FTCD: variants seen among roughly 807,000 people sequenced by gnomAD.
FTCD encodes formimidoyltransferase cyclodeaminase.
FTCD carries 76 observed loss-of-function variants against 62.9 expected under a neutral mutation model. The observed-to-expected ratio is 1.21, with a 90% CI of 1.00 to 1.46. The LOEUF is 1.46. Ranked by LOEUF, FTCD falls within the 40% of genes most tolerant of loss-of-function variation. FTCD has a pLI of 0.00. For missense variants in FTCD, 845 were observed against 751.3 expected (o/e 1.12, Z -1.46); for synonymous variants, 397 against 336.9 (o/e 1.18, Z -1.95).
chr21:46,154,062 G>A, intron 2 of FTCD, 87 bp downstream of exon 2: 1 of 1,417,138 alleles, frequency 7.1e-7, no homozygotes, highest in South Asian at 1.1e-5. Flanking sequence ...TGGGCCCCGG[G>A]CCTACCCCCT....
intron 10 of FTCD, among the ~76,000 whole-genome samples, chr21:46,141,788 A>G (rs2079013657): frequency 6.6e-6 from 1 of 152,174 alleles, no homozygotes; most frequent in Non-Finnish European, 1.5e-5. Context: ...AAAAATATTC[A>G]CCAGATAACT....
At chr21:46,153,164 A>C in intron 2 of FTCD, 129 bp from the exon 3 acceptor site, 7 of 1,002,414 alleles carry the variant, frequency 7.0e-6, no homozygotes, top group Non-Finnish European at 1.0e-5. Context: ...CAAGCTGCTC[A>C]CACTGACCCA....
intron 3 of FTCD, 141 bp downstream of exon 3, chr21:46,152,766 G>A: frequency 1.4e-6 from 1 of 697,862 alleles, no homozygotes. Flanking sequence ...TGAGGGAGCT[G>A]CGCTTCTGCA....
chr21:46,151,793 C>T (rs577077974), intron 4 of FTCD, 56 bp from the exon 5 acceptor site: 87 of 1,599,582 alleles, frequency 5.4e-5, no homozygotes, highest in Admixed American at 3.9e-4. Context: ...AACAGCCCCC[C>T]GGGGTCCCGG....
intron 7 of FTCD, among the ~76,000 whole-genome samples, chr21:46,147,959 A>C (rs1601331940): frequency 6.6e-6 from 1 of 150,598 alleles, no homozygotes; most frequent in Non-Finnish European, 1.5e-5. Flanking sequence ...AAAAAAAAAA[A>C]AGAAGAAGAC....
At position 46,151,572 on chromosome 21, in the gene FTCD, G is replaced by A. The variant is rs764331074; in HGVS notation, c.622C>T (p.Arg208Cys). ...AACGGGGTCACCTGGTCCTTCCCGC[G>A]GCCCTGCTCCCGCAGGTTGAGCGCG... ...RIALNLREQGRGKDQPGRLKK... is the reference protein window; with the variant it reads ...RIALNLREQGCGKDQPGRLKK... Residue 208 changes from arginine (R) to cysteine (C), a missense_variant, in exon 5 of 14, where the codon CGC becomes TGC. Physicochemically the swap from Arg to Cys is radical, Grantham distance 180. Transcript: ENST00000397746. 3.2e-5 allele frequency: 52 copies of A among 1,612,548 alleles called. No individual in the cohort carries two copies. In the East Asian group the frequency reaches 7.4e-4, roughly 23 times the overall value.
Position 46,150,111 on chromosome 21 carries a change from C to G in FTCD, c.906+8G>C. 1.2e-6 allele frequency: 2 copies of G among 1,610,168 alleles called. No individual in the cohort carries two copies. Among genetic ancestry groups the G allele is most frequent in the Non-Finnish European group, 1.7e-6 (2 of 1,179,138 alleles). ...CCTGTCCGACCCTTCCTCGGCAGCCCGGCCCACCAGCCTGATCCGCTGCTC... is the reference window on the plus strand; with the variant it reads ...CCTGTCCGACCCTTCCTCGGCAGCCGGGCCCACCAGCCTGATCCGCTGCTC... On this transcript the variant is annotated splice_region_variant and intron_variant, in intron 7 of 13. Coordinates refer to ENST00000397746, the MANE Select transcript of FTCD (RefSeq NM_206965.2).
intron 10 of FTCD, among the ~76,000 whole-genome samples, chr21:46,141,032 C>T (rs2839124): frequency 0.57 from 87,343 of 152,170 alleles, 26,460 homozygotes; most frequent in African/African-American, 0.78. Flanking sequence ...GTCTTGTTTC[C>T]TTCCTGTCCC....
At chr21:46,136,773 C>G, downstream of FTCD, 1 of 1,511,252 alleles carries the variant, frequency 6.6e-7, no homozygotes, top group Non-Finnish European at 8.9e-7. Context: ...CAACACACAA[C>G]ACAGGTTTGG....
At chr21:46,146,450 C>T (rs2079149900) in intron 7 of FTCD, 123 bp from the exon 8 acceptor site, 4 of 736,226 alleles carry the variant, frequency 5.4e-6, no homozygotes, top group Admixed American at 4.1e-5. Flanking sequence ...GGTGCTTTTG[C>T]GGGGAGCAGG....
chr21:46,151,997 C>T lies in FTCD; in HGVS notation c.368-17G>A, dbSNP rs61688555. On this transcript the variant is annotated splice_polypyrimidine_tract_variant and intron_variant, in intron 3 of 13. Transcript: ENST00000397746. The stretch of plus-strand genomic sequence containing the variant: ...ACAGGTAAACTGCAGGAGAGCCCGG[C>T]GGTCAGGCCTGGACCGGCAGGGGGT... The T allele has an allele frequency of 7.0e-4, 1,088 of 1,545,136 alleles. 9 individuals are homozygous for T. In the African/African-American group the frequency reaches 9.5e-3, roughly 13 times the overall value.
intron 1 of FTCD, 109 bp from the exon 2 acceptor site, chr21:46,154,441 C>A: frequency 7.4e-7 from 1 of 1,351,004 alleles, no homozygotes. Flanking sequence ...AGGAGGCGGG[C>A]CAAGCCTTTG....
rs555305408 is a variant in FTCD, at chr21:46,147,165, A to G, written c.907-838T>C. 1.8e-4 allele frequency among the ~76,000 whole-genome samples: 28 copies of G among 152,334 alleles called. 1 individual carries two copies. In the South Asian group the frequency reaches 5.8e-3, roughly 32 times the overall value. ...TGAGTGGGGGAGGTCTGGGGCCTTC[A>G]GAGTGGGGTCCGACTGGAGACCCCT... On this transcript the variant is annotated intron_variant, in intron 7 of 13. Transcript: ENST00000397746.
intron 5 of FTCD, among the ~76,000 whole-genome samples, chr21:46,150,987 C>G (rs1277109623): frequency 1.3e-5 from 2 of 152,242 alleles, no homozygotes; most frequent in Admixed American, 6.5e-5. Context: ...GGTCCCTGTG[C>G]TTTTGTGCTG....
Position 46,150,233 on chromosome 21 carries a change from C to A in FTCD, c.792G>T (p.Val264=). 2.5e-6 allele frequency: 4 copies of A among 1,609,676 alleles called. No homozygotes were observed. Among genetic ancestry groups the A allele is most frequent in the Non-Finnish European group, 3.4e-6 (4 of 1,178,674 alleles). Residue 264 remains valine, a synonymous_variant, in exon 7 of 14, where the codon GTG becomes GTT. Coordinates refer to ENST00000397746, the MANE Select transcript of FTCD (RefSeq NM_206965.2). ...CCAGGCCCACCAGCTGTGAGCCCAC[C>A]ACTGGGAGGCTCAGCTCCTGCCAAG... ...CREAQELSLP[V]VGSQLVGLVP...
intron 1 of FTCD, among the ~76,000 whole-genome samples, chr21:46,155,123 C>T (rs2079398818): frequency 6.6e-6 from 1 of 152,232 alleles, no homozygotes; most frequent in African/African-American, 2.4e-5. Context: ...TGGCCTCACA[C>T]AGCCCTTTCA....
intron 7 of FTCD, among the ~76,000 whole-genome samples, chr21:46,148,352 G>C (rs2079195690): frequency 6.6e-6 from 1 of 152,186 alleles, no homozygotes; most frequent in Non-Finnish European, 1.5e-5. Flanking sequence ...GGCTGGGCGT[G>C]TTGGTGCACA....
chr21:46,136,588 G>C, downstream of FTCD: 1 of 1,546,652 alleles, frequency 6.5e-7, no homozygotes, highest in Non-Finnish European at 8.7e-7. Context: ...CTGAATACCT[G>C]TGACCCTGCC....
chr21:46,139,194 A>C, intron 10 of FTCD: 1 of 539,464 alleles, frequency 1.9e-6, no homozygotes, highest in Admixed American at 3.1e-5. Context: ...TTCTCAGCTA[A>C]AGAGCCTGAG....
Sources: gnomAD v4.1 joint callset for allele counts (sites outside exome capture counted in the v4.1 genomes callset) on GRCh38, gnomAD v4.1.1 for gene constraint, MANE v1.5 for transcripts, NCBI Gene and HGNC (gene_info 2026-07-23, HGNC 2026-07-21) for gene names.